Variants in UGT2B7 observed in about 807,000 individuals in gnomAD.
UGT2B7 encodes UDP glucuronosyltransferase family 2 member B7, also known as UDP-glucuronosyltransferase 2B7.
A neutral mutation model predicts 51.9 loss-of-function variants in UGT2B7; 51 were observed. The ratio of observed to expected loss-of-function variants is 0.98; its 90% CI spans 0.78 to 1.24. UGT2B7 has a LOEUF of 1.24. Ranked by LOEUF, UGT2B7 falls within the 50% of genes most tolerant of loss-of-function variation. The pLI is 0.00. For missense variants in UGT2B7, 727 were observed against 628.4 expected, an observed-to-expected ratio of 1.16 and a Z score of -1.68; for synonymous variants, 225 against 211.6, an observed-to-expected ratio of 1.06 and a Z score of -0.55.
At chr4:69,105,471 CA>C (rs1719565970) in intron 3 of UGT2B7, among the ~76,000 whole-genome samples, 1 of 152,098 alleles carries the variant, frequency 6.6e-6, no homozygotes, top group Non-Finnish European at 1.5e-5. Flanking sequence ...TTGGGAGTTT[CA>C]AAATTAGTAA....
chr4:69,052,506 C>G (rs1282143316), intron 1 of UGT2B7, among the ~76,000 whole-genome samples: 2 of 118,982 alleles, frequency 1.7e-5, no homozygotes, highest in Non-Finnish European at 3.3e-5. Flanking sequence ...ATCTTGTGGC[C>G]TTAGACAGTC....
At chr4:69,076,427 C>T (rs566128111) in intron 1 of UGT2B7, among the ~76,000 whole-genome samples, 1 of 152,322 alleles carries the variant, frequency 6.6e-6, no homozygotes, top group East Asian at 1.9e-4. Context: ...TATTTCTCCA[C>T]ATCCTCTCCA....
At chr4:69,074,333 A>T (rs1718657926) in intron 1 of UGT2B7, among the ~76,000 whole-genome samples, 1 of 151,708 alleles carries the variant, frequency 6.6e-6, no homozygotes, top group South Asian at 2.1e-4. Flanking sequence ...AGAGTGAGAG[A>T]GTCACTTGAC....
intron 1 of UGT2B7, among the ~76,000 whole-genome samples, chr4:69,055,189 C>T (rs1718155451): frequency 6.9e-6 from 1 of 145,370 alleles, no homozygotes; most frequent in African/African-American, 2.6e-5. Context: ...TAGTAAGCAG[C>T]ATGAGATAAG....
At chr4:69,097,344 A>G (rs1719275535) in intron 1 of UGT2B7, 103 bp downstream of exon 1, 2 of 1,376,182 alleles carry the variant, frequency 1.5e-6, no homozygotes. Context: ...GGTTTTGGTA[A>G]GTGAATTTAT....
chr4:69,099,530 C>A (rs1350294292), intron 2 of UGT2B7, among the ~76,000 whole-genome samples: 1 of 151,900 alleles, frequency 6.6e-6, no homozygotes, highest in African/African-American at 2.4e-5. Context: ...TGTAAAGAGC[C>A]AACCATTCAG....
In UGT2B7 at chr4:69,108,245, A is replaced by G; in HGVS notation, c.1233A>G (p.Ala411=). The G allele has an allele frequency of 6.2e-7, 1 of 1,613,764 alleles. No individual in the cohort carries two copies. Among genetic ancestry groups the G allele is most frequent in the Non-Finnish European group, 8.5e-7 (1 of 1,179,712 alleles). ...DNIAHMKARG[A]AVRVDFNTMS... is the part of the protein sequence containing the mutation. Reference sequence around the variant, plus strand: ...TTGCTCACATGAAGGCCAGGGGAGCAGCTGTTAGAGTGGACTTCAACACAA... The same window carrying G: ...TTGCTCACATGAAGGCCAGGGGAGCGGCTGTTAGAGTGGACTTCAACACAA... The change falls in exon 5 of 6, where the codon GCA becomes GCG. Residue 411 remains alanine (A), a synonymous_variant. Coordinates refer to ENST00000305231, the MANE Select transcript of UGT2B7 (RefSeq NM_001074.4).
chr4:69,095,577 C>A (rs1719201173), upstream of UGT2B7, among the ~76,000 whole-genome samples: 1 of 152,150 alleles, frequency 6.6e-6, no homozygotes, highest in African/African-American at 2.4e-5. Context: ...ACAGGGTCTG[C>A]ATAATTCTAG....
chr4:69,063,321 A>AAAAAAAAAAAG (rs1553911361), intron 1 of UGT2B7, among the ~76,000 whole-genome samples: 1,516 of 126,056 alleles, frequency 0.012, 90 homozygotes, highest in African/African-American at 0.044. Flanking sequence ...TCCGTCTCAA[A>AAAAAAAAAAAG]AAAAAAAAAA....
chr4:69,097,026 T>G lies in UGT2B7; in HGVS notation c.506T>G (p.Val169Gly). The G allele has an allele frequency of 6.2e-7, 1 of 1,613,874 alleles. No individual in the cohort carries two copies. The highest frequency in any genetic ancestry group is 8.5e-7 in the Non-Finnish European group (1 of 1,179,808). The change falls in exon 1 of 6, where the codon GTG becomes GGG. Residue 169 changes from valine (V) to glycine (G), a missense_variant. Coordinates refer to ENST00000305231, the MANE Select transcript of UGT2B7 (RefSeq NM_001074.4). ...LLAELFNIPF[V>G]YSLSFSPGYT... ...GCTGAGCTATTTAACATACCCTTTG[T>G]GTACAGTCTCAGCTTCTCTCCTGGC... is the stretch of plus-strand genomic sequence containing the variant.
intron 1 of UGT2B7, among the ~76,000 whole-genome samples, chr4:69,064,112 A>AAGAGAGAGAGAGAGAG: frequency 1.2e-5 from 1 of 86,848 alleles, no homozygotes; most frequent in East Asian, 4.4e-4. Flanking sequence ...GAAAGAAAGA[A>AAGAGAGAGAGAGAGAG]AAAGAAAGAA....
intron 1 of UGT2B7, among the ~76,000 whole-genome samples, chr4:69,069,180 G>A (rs1215516735): frequency 1.3e-5 from 2 of 151,140 alleles, no homozygotes; most frequent in African/African-American, 4.9e-5. Flanking sequence ...TTTTAACCAT[G>A]AATCCATTGA....
At chr4:69,070,031 C>G (rs913542865) in intron 1 of UGT2B7, 1 of 151,732 alleles carries the variant, frequency 6.6e-6, no homozygotes, top group African/African-American at 2.4e-5. Flanking sequence ...AATTTTTAAT[C>G]TTTGTTAAAC....
rs564691451 is a variant in UGT2B7, at chr4:69,102,926, G to C, written c.990G>C (p.Gln330His). 1.2e-6 allele frequency: 2 copies of C among 1,612,792 alleles called. No individual in the cohort carries two copies. The highest frequency in any genetic ancestry group is 1.7e-6 in the Non-Finnish European group (2 of 1,179,374). ...RANVIASALA[Q>H]IPQKVLWRFD... ...ACGTAATTGCATCAGCCCTGGCCCA[G>C]ATCCCACAAAAGGTAAGATGAAGTG... The change falls in exon 3 of 6, where the codon CAG (glutamine) becomes CAC (histidine). Residue 330 changes from glutamine to histidine, a missense_variant. Physicochemically the swap from Gln to His is conservative, Grantham distance 24. Coordinates refer to ENST00000305231, the MANE Select transcript of UGT2B7 (RefSeq NM_001074.4).
chr4:69,088,619 C>T (rs551016477), intron 1 of UGT2B7, among the ~76,000 whole-genome samples: 1 of 152,224 alleles, frequency 6.6e-6, no homozygotes, highest in Non-Finnish European at 1.5e-5. Flanking sequence ...TTCAGGCCTT[C>T]CTTTGGATTT....
rs536599409 is a variant in UGT2B7 at position 69,084,623 on chromosome 4, C to T, written c.-158-4849C>T. Among the ~76,000 whole-genome samples, 14 of 152,128 alleles carry T rather than the reference C, an allele frequency of 9.2e-5. No individual in the cohort carries two copies. In the East Asian group the frequency reaches 2.7e-3, roughly 30 times the overall value. On this transcript the variant is annotated intron_variant, in intron 1 of 5. Coordinates refer to the UGT2B7 transcript ENST00000502942. ...CTAATGCTCTCCCTCCTCTTTCCCCCCAACGCACGACAGGCCCCAGTGTGT... is the reference window on the plus strand; with the variant it reads ...CTAATGCTCTCCCTCCTCTTTCCCCTCAACGCACGACAGGCCCCAGTGTGT...
In UGT2B7 at chr4:69,098,543, G is replaced by A; in HGVS notation, c.725G>A (p.Arg242Lys). The A allele has an allele frequency of 6.3e-7, 1 of 1,590,472 alleles. No homozygotes were observed. The highest frequency in any genetic ancestry group is 8.5e-7 in the Non-Finnish European group (1 of 1,174,028). The part of the protein sequence containing the change: ...WDQFYSEVLG[R>K]PTTLSETMGK... ...TTTTTTTTTCTATTCCTGTCAGGAA[G>A]ACCCACTACATTATCTGAGACAATG... Residue 242 changes from arginine to lysine, a missense_variant, in exon 2 of 6, where the codon AGA becomes AAA. Arg to Lys is a conservative substitution (Grantham distance 26, BLOSUM62 2). Transcript: ENST00000305231.
In UGT2B7 at chr4:69,087,773, T is replaced by C. The variant is rs182657523; in HGVS notation, c.-158-1699T>C. Among the ~76,000 whole-genome samples, 185 of 152,102 alleles carry C rather than the reference T, an allele frequency of 1.2e-3. 1 individual carries two copies. Among genetic ancestry groups the C allele is most frequent in the African/African-American group, 4.3e-3 (177 of 41,548 alleles). On this transcript the variant is annotated intron_variant, in intron 1 of 5. Transcript: ENST00000502942. ...ATCTTATTGTCTTCTTGCTCACAAG[T>C]TGATTTATTTATTTTATTTTTTTTT...
At chr4:69,051,847 G>C (rs181619537) in intron 1 of UGT2B7, among the ~76,000 whole-genome samples, 1 of 152,172 alleles carries the variant, frequency 6.6e-6, no homozygotes, top group African/African-American at 2.4e-5. Flanking sequence ...CTTTGGTTTC[G>C]GTTTTTGGCC....
Sources: gnomAD v4.1 joint callset for allele counts (sites outside exome capture counted in the v4.1 genomes callset) on GRCh38, gnomAD v4.1.1 for gene constraint, MANE v1.5 for transcripts, NCBI Gene and HGNC (gene_info 2026-07-23, HGNC 2026-07-21) for gene names.